MBP: variants seen among roughly 807,000 people sequenced by gnomAD.
The protein encoded by MBP is Golli-MBP.
In MBP, 16 loss-of-function variants were observed where a neutral mutation model predicts 35.8. The observed-to-expected ratio is 0.45, with a 90% CI of 0.30 to 0.68. The LOEUF is 0.68. Among genes scored for constraint, MBP ranks in the 30% least tolerant of loss-of-function variants. The probability of loss-of-function intolerance (pLI) is 0.08; values close to 1 mark genes in which losing one functional copy is unlikely to be tolerated. For missense variants in MBP, 380 were observed against 404.7 expected (o/e 0.94, Z 0.52); for synonymous variants, 143 against 159.6 (o/e 0.90, Z 0.78).
chr18:77,045,739 T>C (rs1200457477), intron 3 of MBP, among the ~76,000 whole-genome samples: 1 of 152,238 alleles, frequency 6.6e-6, no homozygotes, highest in Non-Finnish European at 1.5e-5. Flanking sequence ...GTGAATGTAA[T>C]CTTTCATTTT....
At chr18:76,990,259 G>C (rs1969821288) in intron 4 of MBP, among the ~76,000 whole-genome samples, 199 bp from the exon 5 acceptor site, 1 of 151,818 alleles carries the variant, frequency 6.6e-6, no homozygotes, top group African/African-American at 2.4e-5. Flanking sequence ...TCAACTCCAC[G>C]AACAGTAAGA....
At chr18:77,028,568 C>T (rs1462059511) in intron 3 of MBP, among the ~76,000 whole-genome samples, 17 of 83,418 alleles carry the variant, frequency 2.0e-4, no homozygotes, top group East Asian at 3.9e-4. Flanking sequence ...TAGGGGCGGC[C>T]GGGCAGAGGC....
At chr18:77,047,517 G>C (rs1360191373) in intron 3 of MBP, among the ~76,000 whole-genome samples, 1 of 152,210 alleles carries the variant, frequency 6.6e-6, no homozygotes, top group Non-Finnish European at 1.5e-5. Flanking sequence ...AGTGGCTCCA[G>C]GTGTTCTTGC....
chr18:77,057,074 G>A (rs957900511), intron 3 of MBP, among the ~76,000 whole-genome samples: 1 of 152,202 alleles, frequency 6.6e-6, no homozygotes. Flanking sequence ...GTACTACAAT[G>A]AAGCAGGGTA....
intron 3 of MBP, among the ~76,000 whole-genome samples, chr18:77,024,405 ACT>A (rs1168105045): frequency 6.6e-6 from 1 of 152,192 alleles, no homozygotes; most frequent in Non-Finnish European, 1.5e-5. Flanking sequence ...GCAAAATTTC[ACT>A]CTTTCTGGTT....
chr18:77,057,763 A>C (rs778538664), intron 3 of MBP, among the ~76,000 whole-genome samples: 6 of 152,134 alleles, frequency 3.9e-5, no homozygotes, highest in Non-Finnish European at 5.9e-5. Flanking sequence ...CAAAGATGCA[A>C]TGATTTAAAA....
rs1599442398 is a variant in MBP at position 76,979,108 on chromosome 18, C to T, written c.*1319G>A. The T allele has an allele frequency of 6.6e-6, 1 of 152,142 alleles. No homozygotes were observed. Among genetic ancestry groups the T allele is most frequent in the South Asian group, 2.1e-4 (1 of 4,824 alleles). The allele number at this position is 152,142 out of a possible 1,614,324, so 9.4% of individuals were successfully genotyped here. A position where few individuals can be genotyped will look rare whatever the true frequency, so the allele number is the denominator to read the frequency against. On this transcript the variant is annotated 3_prime_UTR_variant, in exon 9 of 9. Transcript: ENST00000355994. ...GAATTAGAATTGGATTAAGAAGACG[C>T]GTTTTGGCATCACGCTGACTACTCC... is the stretch of plus-strand genomic sequence containing the variant.
chr18:77,032,117 C>T (rs1305057781), intron 3 of MBP, among the ~76,000 whole-genome samples: 1 of 152,248 alleles, frequency 6.6e-6, no homozygotes, highest in Non-Finnish European at 1.5e-5. Context: ...CTCCACTCTC[C>T]TGGCCCCTCT....
intron 2 of MBP, among the ~76,000 whole-genome samples, chr18:77,082,946 C>T (rs1053079161): frequency 1.4e-5 from 2 of 138,654 alleles, no homozygotes; most frequent in African/African-American, 5.3e-5. Flanking sequence ...TAACTAATTG[C>T]TAGTCTGGCT....
intron 3 of MBP, among the ~76,000 whole-genome samples, chr18:77,059,377 A>G (rs1180727302): frequency 1.3e-5 from 2 of 152,080 alleles, no homozygotes; most frequent in Non-Finnish European, 2.9e-5. Context: ...TAGTTCATCA[A>G]TTAATCCCAT....
chr18:77,107,120 G>A (rs1222746255), intron 1 of MBP, among the ~76,000 whole-genome samples: 1 of 152,132 alleles, frequency 6.6e-6, no homozygotes, highest in African/African-American at 2.4e-5. Context: ...TTGCAGGATG[G>A]ACACACATTA....
chr18:77,058,375 C>A (rs1251233822), intron 3 of MBP, among the ~76,000 whole-genome samples: 1 of 152,196 alleles, frequency 6.6e-6, no homozygotes, highest in Non-Finnish European at 1.5e-5. Context: ...GAACCCAGGG[C>A]ACCAGTTCAG....
chr18:77,130,361 G>A (rs1977200464), intron 1 of MBP, among the ~76,000 whole-genome samples: 1 of 150,398 alleles, frequency 6.6e-6, no homozygotes. Context: ...TGCCCTTAGA[G>A]TAACTTAACC....
intron 2 of MBP, among the ~76,000 whole-genome samples, chr18:77,094,091 C>T (rs901295088): frequency 6.6e-6 from 1 of 152,014 alleles, no homozygotes; most frequent in Admixed American, 6.5e-5. Flanking sequence ...ATTCTCCTGC[C>T]TCAGCCTCCG....
At position 76,988,468 on chromosome 18, in the gene MBP, G is replaced by T. The variant is rs1318880631; in HGVS notation, c.750+27C>A. On this transcript the variant is annotated intron_variant, in intron 7 of 8. Transcript: ENST00000355994. The surrounding 1 kb of genome is among the most constrained non-coding windows in gnomAD (Gnocchi z 5.2). ...TGTGAGGACTGGGACGGAAGAGGAA[G>T]CCGATGGAAGTGCGTTCGTCACCTA... is the stretch of plus-strand genomic sequence containing the variant. 2 of 1,614,210 alleles carry T rather than the reference G, an allele frequency of 1.2e-6. No homozygotes were observed. The highest frequency in any genetic ancestry group is 2.2e-5 in the East Asian group (1 of 44,884).
At chr18:77,091,749 C>A (rs1417239997) in intron 2 of MBP, among the ~76,000 whole-genome samples, 1 of 151,702 alleles carries the variant, frequency 6.6e-6, no homozygotes, top group East Asian at 1.9e-4. Context: ...CAAATACATC[C>A]CATACATGTA....
intron 3 of MBP, among the ~76,000 whole-genome samples, chr18:77,031,882 G>A (rs952624328): frequency 2.0e-5 from 3 of 152,222 alleles, no homozygotes; most frequent in Non-Finnish European, 4.4e-5. Flanking sequence ...GTGCCCAGTG[G>A]GAGCCAGGGC....
chr18:77,032,695 A>G (rs1301204510), intron 3 of MBP, among the ~76,000 whole-genome samples: 3 of 152,252 alleles, frequency 2.0e-5, no homozygotes, highest in African/African-American at 7.2e-5. Flanking sequence ...TAAAGAGCCC[A>G]ATATTCATGT....
rs1418469701 is a variant in MBP, at chr18:76,988,662, G to A, written c.718-135C>T. On this transcript the variant is annotated intron_variant, in intron 6 of 8. Coordinates refer to ENST00000355994, the MANE Select transcript of MBP (RefSeq NM_001025101.2). The surrounding 1 kb of genome is among the most constrained non-coding windows in gnomAD (Gnocchi z 5.2). Reference sequence around the variant, plus strand: ...GGTTCCACCCGGAGCTCCGAGGGGGGCCGCAGGCTCAGGGCCACAGCGGCT... The same window carrying A: ...GGTTCCACCCGGAGCTCCGAGGGGGACCGCAGGCTCAGGGCCACAGCGGCT... The A allele has an allele frequency of 2.4e-5, 35 of 1,483,312 alleles. No individual in the cohort carries two copies. The highest frequency in any genetic ancestry group is 1.9e-4 in the Middle Eastern group (1 of 5,252). 91.9% of individuals were successfully genotyped at this position (1,483,312 alleles called of 1,614,324 possible).
Sources: gnomAD v4.1 joint callset for allele counts (sites outside exome capture counted in the v4.1 genomes callset) on GRCh38, gnomAD v4.1.1 for gene constraint, Gnocchi (gnomAD v3.1) non-coding constraint, MANE v1.5 for transcripts, NCBI Gene and HGNC (gene_info 2026-07-23, HGNC 2026-07-21) for gene names.